GOLIM4: variants seen among roughly 807,000 people sequenced by gnomAD.
GOLIM4 encodes golgi integral membrane protein 4.
In GOLIM4, 71 loss-of-function variants were observed where a neutral mutation model predicts 107.4. That is an observed-to-expected ratio of 0.66 (90% CI 0.55 to 0.81). The LOEUF is 0.81. Among genes scored for constraint, GOLIM4 ranks in the 30% least tolerant of loss-of-function variants. GOLIM4 has a pLI of 0.00. For synonymous variants in GOLIM4, 327 were observed against 294.8 expected (o/e 1.11, Z -1.12); for missense variants, 830 against 826.1 (o/e 1.00, Z -0.06).
At position 168,029,289 on chromosome 3, in the gene GOLIM4, A is replaced by C. The variant is rs1394040788; in HGVS notation, c.1447T>G (p.Tyr483Asp). ...HQEQLRQQAH[Y>D]DAMDNDIVQG... ...ACGATATCATTATCCATAGCATCAT[A>C]ATGAGCTTGCTGCCTACAAGAGACA... The change falls in exon 11 of 16, where the codon TAT (tyrosine) becomes GAT (aspartate). Residue 483 changes from tyrosine (Y) to aspartate (D), a missense_variant. Physicochemically the swap from Tyr to Asp is radical, Grantham distance 160. Transcript: ENST00000470487. The C allele has an allele frequency of 2.5e-6, 4 of 1,605,878 alleles. No individual in the cohort carries two copies. The African/African-American group carries it at 4.0e-5, about 16-fold the overall frequency.
chr3:168,049,412 G>T (rs986096648), intron 1 of GOLIM4, among the ~76,000 whole-genome samples: 2 of 152,066 alleles, frequency 1.3e-5, no homozygotes, highest in Non-Finnish European at 1.5e-5. Context: ...TTTCATCCAG[G>T]AACAGAAAAC....
chr3:168,056,085 G>A (rs1047574159), intron 1 of GOLIM4, among the ~76,000 whole-genome samples: 4 of 152,204 alleles, frequency 2.6e-5, no homozygotes, highest in African/African-American at 9.6e-5. Context: ...GGAAAAAGTG[G>A]TTTCATGGGC....
intron 1 of GOLIM4, among the ~76,000 whole-genome samples, chr3:168,060,814 A>C (rs1720226418): frequency 1.3e-5 from 2 of 152,132 alleles, no homozygotes; most frequent in Non-Finnish European, 2.9e-5. Flanking sequence ...GAGCTTTTCT[A>C]GGGGAGTTTT....
In GOLIM4 at chr3:168,091,120, T is replaced by A. The variant is rs748594059; in HGVS notation, c.187+3979A>T. On this transcript the variant is annotated intron_variant, in intron 1 of 15. Coordinates refer to ENST00000470487, the MANE Select transcript of GOLIM4 (RefSeq NM_014498.5). ...ACTTCACCACAACTCAATATATGCA[T>A]GTGAGAAATCCACACTTGTAACTCT... 5.9e-5 allele frequency among the ~76,000 whole-genome samples: 9 copies of A among 152,226 alleles called. No homozygotes were observed. The South Asian group carries it at 6.2e-4, about 11-fold the overall frequency.
intron 1 of GOLIM4, among the ~76,000 whole-genome samples, chr3:168,050,007 CTGA>C (rs890208392): frequency 2.6e-5 from 4 of 152,174 alleles, no homozygotes; most frequent in African/African-American, 9.7e-5. Flanking sequence ...GTGTGGTCCT[CTGA>C]TGACATGCAT....
chr3:168,039,085 G>A (rs2108240626), intron 7 of GOLIM4, among the ~76,000 whole-genome samples: 1 of 152,156 alleles, frequency 6.6e-6, no homozygotes, highest in East Asian at 1.9e-4. Context: ...TAGTTTATAA[G>A]ACACCCAGTC....
rs559360179 is a variant in GOLIM4, at chr3:168,012,604, G to A, written c.1861-1781C>T. Among the ~76,000 whole-genome samples, 54 of 144,852 alleles carry A rather than the reference G, an allele frequency of 3.7e-4. 2 individuals carry two copies. In the East Asian group the frequency reaches 0.01, roughly 28 times the overall value. ...CATAATTGTCAGATTCACCAAAGTTGAAATGAAGGAAAAAATGTTAAGGGC... is the reference window on the plus strand; with the variant it reads ...CATAATTGTCAGATTCACCAAAGTTAAAATGAAGGAAAAAATGTTAAGGGC... On this transcript the variant is annotated intron_variant, in intron 14 of 15. Transcript: ENST00000470487.
At chr3:168,061,746 A>C (rs972502172) in intron 1 of GOLIM4, among the ~76,000 whole-genome samples, 10 of 152,202 alleles carry the variant, frequency 6.6e-5, no homozygotes, top group African/African-American at 2.4e-4. Context: ...GGCACGAGTG[A>C]AACTAATCTC....
At chr3:168,017,404 C>A (rs780395068) in intron 14 of GOLIM4, among the ~76,000 whole-genome samples, 52 of 152,066 alleles carry the variant, frequency 3.4e-4, no homozygotes, top group Non-Finnish European at 6.6e-4. Flanking sequence ...GGCAGAGGAT[C>A]GATTGAGCTC....
intron 14 of GOLIM4, among the ~76,000 whole-genome samples, chr3:168,022,583 C>A (rs916888325): frequency 6.6e-6 from 1 of 152,064 alleles, no homozygotes; most frequent in Admixed American, 6.5e-5. Context: ...GACCTGGGAA[C>A]GATGGACAGA....
chr3:168,021,563 G>A (rs1300932616), intron 14 of GOLIM4, among the ~76,000 whole-genome samples: 1 of 152,154 alleles, frequency 6.6e-6, no homozygotes, highest in East Asian at 1.9e-4. Context: ...CTACTCGGGA[G>A]GCTGAGGCAG....
intron 1 of GOLIM4, among the ~76,000 whole-genome samples, chr3:168,066,584 G>A (rs755527238): frequency 1.3e-5 from 2 of 152,072 alleles, no homozygotes; most frequent in Non-Finnish European, 1.5e-5. Context: ...ACTTGTAGAT[G>A]AGTGTTCATA....
Position 168,075,284 on chromosome 3 carries a change from T to C in GOLIM4, c.187+19815A>G, listed in dbSNP as rs139622974. Among the ~76,000 whole-genome samples the C allele has an allele frequency of 2.1e-3, 289 of 139,956 alleles. 2 individuals carry two copies. The highest frequency in any genetic ancestry group is 7.5e-3 in the African/African-American group (277 of 36,984). The allele number at this position is 139,956 out of a possible 152,430, so 91.8% of individuals were successfully genotyped here. A position where few individuals can be genotyped will look rare whatever the true frequency, so the allele number is the denominator to read the frequency against. ...ACACTGGTAATTGGCGGACATTCACTAGTTTTTTTTTTTTTTTTTTTTTTT... is the reference window on the plus strand; with the variant it reads ...ACACTGGTAATTGGCGGACATTCACCAGTTTTTTTTTTTTTTTTTTTTTTT... On this transcript the variant is annotated intron_variant, in intron 1 of 15. Coordinates refer to ENST00000470487, the MANE Select transcript of GOLIM4 (RefSeq NM_014498.5).
chr3:168,018,527 T>C (rs1184494696), intron 14 of GOLIM4, among the ~76,000 whole-genome samples: 1 of 152,210 alleles, frequency 6.6e-6, no homozygotes, highest in Non-Finnish European at 1.5e-5. Context: ...GAATATCTAT[T>C]GTATTCATAT....
intron 14 of GOLIM4, among the ~76,000 whole-genome samples, chr3:168,015,214 A>G (rs1294300923): frequency 7.7e-6 from 1 of 129,578 alleles, no homozygotes; most frequent in Non-Finnish European, 1.5e-5. Flanking sequence ...AAATCAATGT[A>G]CAAAAATCAC....
At chr3:168,092,745 G>C (rs556345997) in intron 1 of GOLIM4, among the ~76,000 whole-genome samples, 3 of 152,206 alleles carry the variant, frequency 2.0e-5, no homozygotes, top group African/African-American at 7.2e-5. Flanking sequence ...TCTTGGAAAA[G>C]GGAAGCAAAA....
At chr3:168,083,943 T>C (rs1260169701) in intron 1 of GOLIM4, among the ~76,000 whole-genome samples, 1 of 152,176 alleles carries the variant, frequency 6.6e-6, no homozygotes, top group Non-Finnish European at 1.5e-5. Flanking sequence ...CTTCCAAGAT[T>C]AGGTTATTAA....
At chr3:168,023,804 C>T (rs1222396204) in intron 14 of GOLIM4, among the ~76,000 whole-genome samples, 1 of 152,068 alleles carries the variant, frequency 6.6e-6, no homozygotes, top group Admixed American at 6.6e-5. Context: ...AAAACGGCTA[C>T]AACAAGCAGC....
intron 4 of GOLIM4, 78 bp from the exon 5 acceptor site, chr3:168,043,607 CA>C (rs1719145432): frequency 1.7e-6 from 2 of 1,159,978 alleles, no homozygotes; most frequent in South Asian, 3.4e-5. Flanking sequence ...GCACAGTAAA[CA>C]AAAACAAATG....
Sources: allele counts gnomAD v4.1 joint callset (sites outside exome capture counted in the v4.1 genomes callset), GRCh38; gene constraint gnomAD v4.1.1; transcripts MANE v1.5; gene names NCBI Gene and HGNC (gene_info 2026-07-23, HGNC 2026-07-21).